Variants in PCDH15 observed in about 807,000 individuals in gnomAD.
The protein encoded by PCDH15 is protocadherin-15.
Under a neutral mutation model 178.5 loss-of-function variants are expected in PCDH15, and 129 were observed. The observed-to-expected ratio is 0.72, with a 90% confidence interval of 0.63 to 0.84. The LOEUF (loss-of-function observed/expected upper bound fraction) is 0.84. Ranked by LOEUF, PCDH15 falls within the 40% of genes least tolerant of loss-of-function variation. PCDH15 has a pLI of 0.00. For synonymous variants in PCDH15, 800 were observed against 732.0 expected (o/e 1.09, Z -1.50); for missense variants, 2,230 against 2,099.9 (o/e 1.06, Z -1.21).
intron 16 of PCDH15, among the ~76,000 whole-genome samples, chr10:54,085,183 T>A (rs1320475420): frequency 1.3e-5 from 2 of 152,018 alleles, no homozygotes; most frequent in Non-Finnish European, 2.9e-5. Context: ...ATTTTCAATA[T>A]AATCATAAAA....
intron 1 of PCDH15, among the ~76,000 whole-genome samples, chr10:54,696,417 AT>A (rs1300982446): frequency 1.3e-5 from 2 of 152,166 alleles, no homozygotes; most frequent in Admixed American, 1.3e-4. Flanking sequence ...GATAAAATCT[AT>A]TCCTGGTGAA....
chr10:55,552,167 T>C (rs1842015081), intron 2 of PCDH15, among the ~76,000 whole-genome samples: 1 of 151,752 alleles, frequency 6.6e-6, no homozygotes, highest in Non-Finnish European at 1.5e-5. Context: ...AAATATTGCC[T>C]TCTGGAATTA....
intron 2 of PCDH15, among the ~76,000 whole-genome samples, chr10:54,948,821 C>T (rs973848616): frequency 5.3e-5 from 8 of 151,862 alleles, no homozygotes; most frequent in Non-Finnish European, 8.8e-5. Context: ...ATTAAAATGT[C>T]AATATCATCC....
chr10:54,855,103 G>A (rs1953713697), intron 3 of PCDH15, among the ~76,000 whole-genome samples: 1 of 152,168 alleles, frequency 6.6e-6, no homozygotes, highest in African/African-American at 2.4e-5. Context: ...ACCCGGGCTC[G>A]GGCCTGACTT....
intron 37 of PCDH15, among the ~76,000 whole-genome samples, chr10:53,807,650 AT>A (rs1473546719): frequency 6.6e-6 from 1 of 151,156 alleles, no homozygotes; most frequent in Non-Finnish European, 1.5e-5. Context: ...TAATTTAAGC[AT>A]TTATTTACTT....
intron 2 of PCDH15, among the ~76,000 whole-genome samples, chr10:55,371,256 C>A (rs1373154402): frequency 1.3e-5 from 2 of 152,000 alleles, no homozygotes; most frequent in Admixed American, 6.6e-5. Flanking sequence ...TGATCTCATA[C>A]CAGCACAAAT....
intron 2 of PCDH15, among the ~76,000 whole-genome samples, chr10:55,459,348 C>T (rs920762587): frequency 5.9e-5 from 9 of 151,784 alleles, no homozygotes; most frequent in Non-Finnish European, 1.5e-5. Context: ...GCTAAATGAA[C>T]CAGAAAAATG....
intron 1 of PCDH15, among the ~76,000 whole-genome samples, chr10:55,299,353 T>C (rs1345752566): frequency 3.3e-5 from 5 of 152,182 alleles, no homozygotes; most frequent in African/African-American, 1.2e-4. Flanking sequence ...TGTCAACCCA[T>C]AGATAAGTGA....
intron 2 of PCDH15, among the ~76,000 whole-genome samples, chr10:54,558,348 A>C (rs1440608793): frequency 6.6e-6 from 1 of 152,148 alleles, no homozygotes; most frequent in Non-Finnish European, 1.5e-5. Flanking sequence ...TATTAGAGAC[A>C]ACACTCTGCT....
intron 2 of PCDH15, among the ~76,000 whole-genome samples, chr10:55,523,225 G>A (rs2132167444): frequency 6.6e-6 from 1 of 151,294 alleles, no homozygotes; most frequent in Non-Finnish European, 1.5e-5. Context: ...CCTCCATCAA[G>A]AACTTCCACA....
At chr10:54,361,642 C>CTG (rs1404967236) in intron 5 of PCDH15, among the ~76,000 whole-genome samples, 2 of 151,956 alleles carry the variant, frequency 1.3e-5, no homozygotes, top group East Asian at 3.9e-4. Context: ...GAAACCTATG[C>CTG]TGTGTGACTC....
chr10:54,189,560 T>C (rs2048776066), intron 11 of PCDH15, among the ~76,000 whole-genome samples: 1 of 152,146 alleles, frequency 6.6e-6, no homozygotes, highest in Non-Finnish European at 1.5e-5. Flanking sequence ...TTATGAAGCA[T>C]ATAAATACTT....
intron 11 of PCDH15, among the ~76,000 whole-genome samples, chr10:54,186,889 G>T (rs567735353): frequency 6.6e-6 from 1 of 152,056 alleles, no homozygotes; most frequent in Non-Finnish European, 1.5e-5. Flanking sequence ...TATTCTGAAT[G>T]ATATTTTAAG....
chr10:55,566,855 A>C (rs1842312373), intron 2 of PCDH15, among the ~76,000 whole-genome samples: 1 of 151,878 alleles, frequency 6.6e-6, no homozygotes, highest in Non-Finnish European at 1.5e-5. Flanking sequence ...AACACCACAG[A>C]TTCAATGCAA....
Position 53,827,459 on chromosome 10 carries a change from G to GCTGCCA in PCDH15, c.4295_4300dup (p.Val1432_Ala1433dup). The GCTGCCA allele has an allele frequency of 6.2e-7, 1 of 1,613,634 alleles. No homozygotes were observed. The highest frequency in any genetic ancestry group is 8.5e-7 in the Non-Finnish European group (1 of 1,179,696). ...CGGAGGCGGCGGCGGCGGCGGGGGC[G>GCTGCCA]CTGCCACTGGTGCAGGAGCCGGCAC... On this transcript the variant is annotated inframe_insertion, in exon 32 of 38. Coordinates refer to ENST00000644397, the MANE Select transcript of PCDH15 (RefSeq NM_001384140.1).
chr10:54,496,990 G>T (rs901044764), intron 3 of PCDH15, among the ~76,000 whole-genome samples: 4 of 152,020 alleles, frequency 2.6e-5, no homozygotes, highest in Non-Finnish European at 5.9e-5. Flanking sequence ...GCACTCTCCT[G>T]CAGTCCCCTG....
intron 2 of PCDH15, among the ~76,000 whole-genome samples, chr10:55,585,751 A>T (rs971429291): frequency 8.6e-5 from 13 of 151,866 alleles, no homozygotes; most frequent in Non-Finnish European, 1.8e-4. Context: ...GTATATATAT[A>T]TGTGTGTGTG....
chr10:54,606,733 C>T (rs1020224671), intron 2 of PCDH15: 9 of 152,008 alleles, frequency 5.9e-5, no homozygotes, highest in African/African-American at 2.2e-4. Flanking sequence ...TTTCAGATAT[C>T]ATAAAAGATA....
chr10:55,068,799 G>C (rs929197985), intron 2 of PCDH15, among the ~76,000 whole-genome samples: 2 of 151,930 alleles, frequency 1.3e-5, no homozygotes, highest in Admixed American at 1.3e-4. Context: ...GCACGTGTGT[G>C]TGTTCCCTAC....
Sources: allele counts gnomAD v4.1 joint callset (sites outside exome capture counted in the v4.1 genomes callset), GRCh38; gene constraint gnomAD v4.1.1; transcripts MANE v1.5; gene names NCBI Gene and HGNC (gene_info 2026-07-23, HGNC 2026-07-21).